The following PCDHA9 variants were observed in gnomAD, a reference collection of about 807,000 sequenced individuals.
PCDHA9 encodes protocadherin alpha 9.
A neutral mutation model predicts 62.0 loss-of-function variants in PCDHA9; 62 were observed. The observed-to-expected ratio is 1.00, with a 90% confidence interval of 0.81 to 1.23. PCDHA9 has a LOEUF of 1.23. PCDHA9 is among the 50% of genes most tolerant of loss of function. The pLI is 0.00. For synonymous variants in PCDHA9, 557 were observed against 567.6 expected (o/e 0.98, Z 0.27); for missense variants, 1,205 against 1,249.8 (o/e 0.96, Z 0.54).
chr5:140,879,012 T>C (rs2057811303), intron 1 of PCDHA9, among the ~76,000 whole-genome samples: 1 of 152,236 alleles, frequency 6.6e-6, no homozygotes, highest in African/African-American at 2.4e-5. Flanking sequence ...AGAAATCAGA[T>C]AATGTTTTAT....
At chr5:140,891,371 T>G (rs1483919316) in intron 1 of PCDHA9, among the ~76,000 whole-genome samples, 1 of 152,146 alleles carries the variant, frequency 6.6e-6, no homozygotes, top group African/African-American at 2.4e-5. Context: ...CAGTATACAT[T>G]GCACCATATT....
chr5:140,968,029 G>C (rs1554230214), intron 1 of PCDHA9: 4 of 1,614,170 alleles, frequency 2.5e-6, no homozygotes, highest in South Asian at 2.2e-5. Context: ...CCTATACACT[G>C]GTGGTGAGCG....
At position 140,903,777 on chromosome 5, in the gene PCDHA9, T is replaced by C. The variant is rs80247548; in HGVS notation, c.2394+52888T>C. On this transcript the variant is annotated intron_variant, in intron 1 of 3. Transcript: ENST00000532602. ...GATTTTTGCTGAACTTTTCTATCCA[T>C]AAACTATCTATGGTTGTAATTGACA... 8.0e-3 allele frequency among the ~76,000 whole-genome samples: 1,216 copies of C among 152,334 alleles called. 6 individuals are homozygous for C. The highest frequency in any genetic ancestry group is 0.019 in the African/African-American group (784 of 41,582).
chr5:140,923,774 G>T (rs1447078559), intron 1 of PCDHA9, among the ~76,000 whole-genome samples: 1 of 152,202 alleles, frequency 6.6e-6, no homozygotes, highest in Non-Finnish European at 1.5e-5. Flanking sequence ...CTACTGGGTG[G>T]ATGGTTTCTT....
rs2150484747 is a variant in PCDHA9, at chr5:140,850,446, G to A, written c.1951G>A (p.Val651Met). Residue 651 changes from valine to methionine, a missense_variant, in exon 1 of 4, where the codon GTG (valine) becomes ATG (methionine). Val to Met is a conservative substitution (Grantham distance 21). This residue lies in a region of PCDHA9 where 887 missense variants were observed against 809.5 expected (regional missense o/e 1.10). Transcript: ENST00000532602. Reference sequence around the variant, plus strand: ...ACCGCGCCAGCGCCTACTGGTGCTGGTGAAAGACCACGGGGAGCCAGCGCT... The same window carrying A: ...ACCGCGCCAGCGCCTACTGGTGCTGATGAAAGACCACGGGGAGCCAGCGCT... ...DAPRQRLLVL[V>M]KDHGEPALTA... 1 of 1,598,030 alleles carries A rather than the reference G, an allele frequency of 6.3e-7. No individual in the cohort carries two copies. The highest frequency in any genetic ancestry group is 8.6e-7 in the Non-Finnish European group (1 of 1,167,754).
At chr5:140,982,608 T>C (rs782789536) in intron 3 of PCDHA9, 45 bp downstream of exon 3, 1 of 1,601,306 alleles carries the variant, frequency 6.2e-7, no homozygotes, top group Non-Finnish European at 8.5e-7. Flanking sequence ...TTCTGGAAAG[T>C]GATCAGATGA....
chr5:140,891,076 A>G (rs2062939819), intron 1 of PCDHA9, among the ~76,000 whole-genome samples: 1 of 152,160 alleles, frequency 6.6e-6, no homozygotes, highest in African/African-American at 2.4e-5. Flanking sequence ...TCCAGTGTCT[A>G]CTGGTTTCCA....
At position 140,974,381 on chromosome 5, in the gene PCDHA9, G is replaced by A. The variant is rs782006620; in HGVS notation, c.2395-4568G>A. 3.3e-5 allele frequency among the ~76,000 whole-genome samples: 5 copies of A among 152,272 alleles called. No homozygotes were observed. In the East Asian group the frequency reaches 7.7e-4, roughly 23 times the overall value. On this transcript the variant is annotated intron_variant, in intron 1 of 3. Transcript: ENST00000532602. ...AGACCTAGCACTTTCTGTTGTACTG[G>A]AACCCATTAGGTATGTTCTAAAGTT...
rs1554148991 is a variant in PCDHA9, at chr5:140,856,698, G to A, written c.2394+5809G>A. ...TTGTTGTTGACAGCAACTGATGGAG[G>A]CAAACCTGAATTTACCGGATCTGTT... On this transcript the variant is annotated intron_variant, in intron 1 of 3. Transcript: ENST00000532602. 3.8e-6 allele frequency: 6 copies of A among 1,596,626 alleles called. 1 individual carries two copies. In the African/African-American group the frequency reaches 8.1e-5, roughly 21 times the overall value.
chr5:140,966,903 A>G (rs1554228870), intron 1 of PCDHA9: 2 of 1,599,926 alleles, frequency 1.3e-6, no homozygotes, highest in South Asian at 2.2e-5. Context: ...CAGCTGCGAT[A>G]CTCTGTGCCA....
intron 1 of PCDHA9, chr5:140,853,345 C>G: frequency 4.1e-6 from 4 of 982,282 alleles, no homozygotes; most frequent in Middle Eastern, 5.3e-4. Flanking sequence ...CATTAGCAAA[C>G]ATGAACTCAC....
chr5:140,930,375 C>T (rs2086761522), intron 1 of PCDHA9: 1 of 151,734 alleles, frequency 6.6e-6, no homozygotes, highest in Non-Finnish European at 1.5e-5. Flanking sequence ...GTTAGTGGCC[C>T]TTGGCATTTC....
At chr5:140,876,894 C>G in intron 1 of PCDHA9, 2 of 1,614,132 alleles carry the variant, frequency 1.2e-6, no homozygotes, top group Non-Finnish European at 1.7e-6. Context: ...GCTGCCACAT[C>G]TTCACGGTGT....
At position 140,850,035 on chromosome 5, in the gene PCDHA9, A is replaced by G; in HGVS notation, c.1540A>G (p.Ser514Gly). 1 of 1,596,458 alleles carries G rather than the reference A, an allele frequency of 6.3e-7. No homozygotes were observed. The highest frequency in any genetic ancestry group is 8.6e-7 in the Non-Finnish European group (1 of 1,167,744). Residue 514 changes from serine (S) to glycine (G), a missense_variant, in exon 1 of 4, where the codon AGC becomes GGC. Physicochemically the swap from Ser to Gly is moderately conservative, Grantham distance 56. Around this residue, in one of 3 missense-constraint regions of PCDHA9, gnomAD observed 887 missense variants for 809.5 expected, o/e 1.10. Transcript: ENST00000532602. The part of the protein sequence containing the change: ...LSSYVSVHAE[S>G]GKVYALQPLD... ...GAGCTACGTGTCAGTGCACGCGGAGAGCGGCAAGGTGTACGCGCTGCAGCC... is the reference window on the plus strand; with the variant it reads ...GAGCTACGTGTCAGTGCACGCGGAGGGCGGCAAGGTGTACGCGCTGCAGCC...
intron 1 of PCDHA9, among the ~76,000 whole-genome samples, chr5:140,918,233 T>C (rs1554198474): frequency 6.6e-6 from 1 of 152,210 alleles, no homozygotes; most frequent in South Asian, 2.1e-4. Context: ...TTTTTGTACA[T>C]TGATTTTGTA....
intron 1 of PCDHA9, chr5:140,884,570 G>A (rs1174925238): frequency 6.2e-7 from 1 of 1,614,074 alleles, no homozygotes; most frequent in Non-Finnish European, 8.5e-7. Flanking sequence ...GCATAAGACG[G>A]ACCTCATGGC....
chr5:140,891,893 CAAG>C (rs2063302978), intron 1 of PCDHA9, among the ~76,000 whole-genome samples: 1 of 152,210 alleles, frequency 6.6e-6, no homozygotes, highest in Non-Finnish European at 1.5e-5. Flanking sequence ...GACGATGCAG[CAAG>C]AAGATCTTCA....
intron 1 of PCDHA9, chr5:140,969,174 G>A (rs777458792): frequency 6.2e-7 from 1 of 1,614,076 alleles, no homozygotes; most frequent in South Asian, 1.1e-5. Flanking sequence ...GGCTCAGGGA[G>A]TGACACTTTC....
chr5:140,870,054 T>A (rs895309313), intron 1 of PCDHA9: 2 of 1,613,676 alleles, frequency 1.2e-6, no homozygotes, highest in African/African-American at 2.7e-5. Flanking sequence ...TTTATAAAAT[T>A]GAAGTACAGG....
Sources: allele counts gnomAD v4.1 joint callset (sites outside exome capture counted in the v4.1 genomes callset), GRCh38; gene constraint gnomAD v4.1.1; regional missense constraint gnomAD v4.1.1; transcripts MANE v1.5; gene names NCBI Gene and HGNC (gene_info 2026-07-23, HGNC 2026-07-21).